ATXN7L1: variants seen among roughly 807,000 people sequenced by gnomAD.
ATXN7L1 encodes ataxin-7-like protein 1.
A neutral mutation model predicts 70.8 loss-of-function variants in ATXN7L1; 15 were observed. The ratio of observed to expected loss-of-function variants is 0.21; its 90% CI spans 0.14 to 0.33. The LOEUF (loss-of-function observed/expected upper bound fraction) is 0.33. ATXN7L1 is among the 10% of genes least tolerant of loss of function. ATXN7L1 has a pLI of 1.00. For missense variants in ATXN7L1, 975 were observed against 1,097.1 expected (o/e 0.89, Z 1.57); for synonymous variants, 440 against 445.1 (o/e 0.99, Z 0.14).
At chr7:105,705,670 C>T (rs117962572) in intron 3 of ATXN7L1, among the ~76,000 whole-genome samples, 449 of 152,316 alleles carry the variant, frequency 2.9e-3, no homozygotes, top group Non-Finnish European at 4.6e-3. Flanking sequence ...TTTTGTTTCA[C>T]GCCTCTGTGG....
intron 3 of ATXN7L1, among the ~76,000 whole-genome samples, chr7:105,783,100 C>T (rs913132892): frequency 4.6e-5 from 7 of 152,102 alleles, no homozygotes; most frequent in African/African-American, 1.4e-4. Flanking sequence ...ATTTTATAGA[C>T]GAGGAAAAGA....
chr7:105,670,978 C>T (rs1202254341), intron 3 of ATXN7L1, among the ~76,000 whole-genome samples: 2 of 151,856 alleles, frequency 1.3e-5, no homozygotes, highest in East Asian at 1.9e-4. Context: ...AGGTGGCGGG[C>T]GCCTGTTAGT....
chr7:105,627,970 G>C (rs1795982851), intron 7 of ATXN7L1, among the ~76,000 whole-genome samples: 1 of 146,598 alleles, frequency 6.8e-6, no homozygotes, highest in Non-Finnish European at 1.5e-5. Flanking sequence ...TCAGCCTCCT[G>C]AGTAGCTGGG....
At chr7:105,730,258 T>C (rs527637728) in intron 3 of ATXN7L1, among the ~76,000 whole-genome samples, 1 of 152,174 alleles carries the variant, frequency 6.6e-6, no homozygotes, top group Non-Finnish European at 1.5e-5. Flanking sequence ...GTGATGAAAA[T>C]GGCACTTTAC....
intron 2 of ATXN7L1, among the ~76,000 whole-genome samples, chr7:105,831,499 C>T (rs115177121): frequency 6.6e-5 from 10 of 152,124 alleles, no homozygotes; most frequent in African/African-American, 1.7e-4. Flanking sequence ...AGGTCGTGGC[C>T]GAGGAACTAT....
chr7:105,724,221 T>C (rs1033817568), intron 3 of ATXN7L1, among the ~76,000 whole-genome samples: 6 of 152,044 alleles, frequency 3.9e-5, no homozygotes, highest in Admixed American at 6.6e-5. Context: ...TCCTACGTGG[T>C]TGGAAGTTTG....
chr7:105,749,513 G>A (rs1584914886), intron 3 of ATXN7L1, among the ~76,000 whole-genome samples: 1 of 151,448 alleles, frequency 6.6e-6, no homozygotes, highest in East Asian at 2.0e-4. Flanking sequence ...GCCACTAAGA[G>A]AGGTTGTATG....
Position 105,858,600 on chromosome 7 carries a change from T to A in ATXN7L1, c.250+17212A>T, listed in dbSNP as rs1816081419. 2.6e-5 allele frequency among the ~76,000 whole-genome samples: 4 copies of A among 152,300 alleles called. No individual in the cohort carries two copies. In the South Asian group the frequency reaches 8.3e-4, roughly 32 times the overall value. ...CAGAAGGAAAATACAACGTTTGCAATGGGCAGCAGTGGTCACCACCTTACG... is the reference window on the plus strand; with the variant it reads ...CAGAAGGAAAATACAACGTTTGCAAAGGGCAGCAGTGGTCACCACCTTACG... On this transcript the variant is annotated intron_variant, in intron 2 of 11. Transcript: ENST00000419735.
chr7:105,758,093 C>T (rs1020768786), intron 3 of ATXN7L1, among the ~76,000 whole-genome samples: 2 of 152,172 alleles, frequency 1.3e-5, no homozygotes. Context: ...CTCCAAAACC[C>T]CTCATGGACT....
intron 3 of ATXN7L1, among the ~76,000 whole-genome samples, chr7:105,689,787 G>T (rs1030476725): frequency 6.6e-6 from 1 of 152,198 alleles, no homozygotes. Flanking sequence ...GCGAAGGTCC[G>T]ATGGATCATG....
At chr7:105,641,212 CTCTTTTTTTTTTTTTTTT>C (rs758425467) in intron 5 of ATXN7L1, among the ~76,000 whole-genome samples, 5,471 of 64,062 alleles carry the variant, frequency 0.085, 237 homozygotes, top group East Asian at 0.22. Context: ...CTCTCTCTCT[CTCTTTTTTTTTTTTTTTT>C]TTTTTTTTTT....
chr7:105,771,866 A>AG (rs567541952), intron 3 of ATXN7L1, among the ~76,000 whole-genome samples: 78 of 152,262 alleles, frequency 5.1e-4, no homozygotes, highest in African/African-American at 1.8e-3. Flanking sequence ...CCAAGATACC[A>AG]GGGGGAAAAA....
In ATXN7L1 at chr7:105,820,897, A is replaced by T. The variant is rs144205617; in HGVS notation, c.251-32189T>A. On this transcript the variant is annotated intron_variant, in intron 2 of 11. Coordinates refer to ENST00000419735, the MANE Select transcript of ATXN7L1 (RefSeq NM_020725.2). ...CCACCCCCTTGCTCCCACGCTCACCATGTGACATGCCTGTTCCTGCTTTGG... is the reference window on the plus strand; with the variant it reads ...CCACCCCCTTGCTCCCACGCTCACCTTGTGACATGCCTGTTCCTGCTTTGG... Among the ~76,000 whole-genome samples the T allele has an allele frequency of 3.6e-3, 555 of 152,316 alleles. 8 individuals are homozygous for T. The highest frequency in any genetic ancestry group is 0.012 in the African/African-American group (514 of 41,570).
chr7:105,676,522 G>A (rs1002098368), intron 3 of ATXN7L1, among the ~76,000 whole-genome samples: 1 of 152,168 alleles, frequency 6.6e-6, no homozygotes, highest in African/African-American at 2.4e-5. Flanking sequence ...AGATCCATGA[G>A]CTGGGATTCC....
Position 105,662,101 on chromosome 7 carries a change from CTTTTCT to C in ATXN7L1, c.578+2959_578+2964del, listed in dbSNP as rs1295064990. ...TTCCTTCTTTCTTTTCTTTTCTTTT[CTTTTCT>C]TTTTTTTTTTTTTAAGCCAGAGTCT... On this transcript the variant is annotated intron_variant, in intron 4 of 11. Coordinates refer to ENST00000419735, the MANE Select transcript of ATXN7L1 (RefSeq NM_020725.2). Among the ~76,000 whole-genome samples, 44 of 110,544 alleles carry C rather than the reference CTTTTCT, an allele frequency of 4.0e-4. 1 individual carries two copies. Among genetic ancestry groups the C allele is most frequent in the Non-Finnish European group, 5.5e-4 (29 of 52,938 alleles). 72.5% of individuals were successfully genotyped at this position (110,544 alleles called of 152,430 possible).
chr7:105,776,953 A>G (rs1802824871), intron 3 of ATXN7L1, among the ~76,000 whole-genome samples: 1 of 152,148 alleles, frequency 6.6e-6, no homozygotes, highest in Non-Finnish European at 1.5e-5. Flanking sequence ...TATTTTTAGT[A>G]GAGCTGGGGT....
chr7:105,850,718 G>A (rs1200745304), intron 2 of ATXN7L1, among the ~76,000 whole-genome samples: 1 of 152,114 alleles, frequency 6.6e-6, no homozygotes, highest in Non-Finnish European at 1.5e-5. Flanking sequence ...GCTCCATATG[G>A]CCTGCCTGTT....
At chr7:105,813,824 T>TC (rs1006195754) in intron 2 of ATXN7L1, among the ~76,000 whole-genome samples, 2 of 152,220 alleles carry the variant, frequency 1.3e-5, no homozygotes, top group African/African-American at 4.8e-5. Context: ...TCTCTTTTTT[T>TC]CCCCCAGTAT....
chr7:105,734,935 G>A (rs1201487001), intron 3 of ATXN7L1, among the ~76,000 whole-genome samples: 1 of 152,094 alleles, frequency 6.6e-6, no homozygotes, highest in Non-Finnish European at 1.5e-5. Flanking sequence ...CATAAGCTCT[G>A]GAACTTTCTA....
Sources: gnomAD v4.1 joint callset for allele counts (sites outside exome capture counted in the v4.1 genomes callset) on GRCh38, gnomAD v4.1.1 for gene constraint, MANE v1.5 for transcripts, NCBI Gene and HGNC (gene_info 2026-07-23, HGNC 2026-07-21) for gene names.